SLC35F3: variants seen among roughly 807,000 people sequenced by gnomAD.
SLC35F3 encodes solute carrier family 35 member F3.
A neutral mutation model predicts 49.9 loss-of-function variants in SLC35F3; 25 were observed. That is an observed-to-expected ratio of 0.50 (90% confidence interval 0.37 to 0.70). The LOEUF (loss-of-function observed/expected upper bound fraction) is 0.70. SLC35F3 is among the 30% of genes least tolerant of loss of function. The pLI, the probability that SLC35F3 is intolerant of heterozygous loss-of-function variation, is 0.00. For synonymous variants in SLC35F3, 275 were observed against 265.4 expected (o/e 1.04, Z -0.35); for missense variants, 525 against 639.8 (o/e 0.82, Z 1.94).
In SLC35F3 at chr1:233,939,042, T is replaced by A. The variant is rs149508886; in HGVS notation, c.283+33284T>A. Among the ~76,000 whole-genome samples, 258 of 152,320 alleles carry A rather than the reference T, an allele frequency of 1.7e-3. 1 individual carries two copies. The highest frequency in any genetic ancestry group is 6.0e-3 in the African/African-American group (251 of 41,570). On this transcript the variant is annotated intron_variant, in intron 2 of 7. Coordinates refer to ENST00000366618, the MANE Select transcript of SLC35F3 (RefSeq NM_173508.4). Reference sequence around the variant, plus strand: ...TATCCATTCTTCCCAATCCTTGTTATGATGCTTCTGGTTCTTTCAGGTTGC... The same window carrying A: ...TATCCATTCTTCCCAATCCTTGTTAAGATGCTTCTGGTTCTTTCAGGTTGC...
chr1:234,052,777 T>G (rs1355878971), intron 2 of SLC35F3, among the ~76,000 whole-genome samples: 1 of 152,226 alleles, frequency 6.6e-6, no homozygotes, highest in Non-Finnish European at 1.5e-5. Flanking sequence ...GGGCATTTAG[T>G]GCTATAAATT....
chr1:234,172,465 G>A (rs546128529), intron 2 of SLC35F3, among the ~76,000 whole-genome samples: 57 of 152,278 alleles, frequency 3.7e-4, no homozygotes, highest in African/African-American at 1.2e-3. Flanking sequence ...GACCTCAGGG[G>A]ATCCACCCAC....
chr1:234,270,836 A>AG (rs1668087069), intron 3 of SLC35F3, among the ~76,000 whole-genome samples: 1 of 152,230 alleles, frequency 6.6e-6, no homozygotes, highest in African/African-American at 2.4e-5. Context: ...TCAAGGTGGG[A>AG]GGCAGGTGTT....
intron 2 of SLC35F3, among the ~76,000 whole-genome samples, chr1:234,149,947 G>C (rs900214233): frequency 6.6e-6 from 1 of 152,156 alleles, no homozygotes; most frequent in Non-Finnish European, 1.5e-5. Context: ...TGATTAATGT[G>C]CTACAGGATG....
At chr1:234,247,483 A>G (rs924479506) in intron 3 of SLC35F3, among the ~76,000 whole-genome samples, 14 of 107,780 alleles carry the variant, frequency 1.3e-4, no homozygotes, top group Non-Finnish European at 2.5e-4. Flanking sequence ...TGCTTGGTGG[A>G]TTGCTTGGCT....
chr1:234,117,353 A>T (rs1425221453), intron 2 of SLC35F3, among the ~76,000 whole-genome samples: 1 of 152,120 alleles, frequency 6.6e-6, no homozygotes, highest in Non-Finnish European at 1.5e-5. Context: ...GCATTTTGGG[A>T]GGCTGAGGTG....
intron 2 of SLC35F3, among the ~76,000 whole-genome samples, chr1:234,055,729 G>A (rs531304441): frequency 5.9e-5 from 9 of 152,284 alleles, no homozygotes; most frequent in South Asian, 2.1e-4. Context: ...CATCTTCTGC[G>A]TCGCTCACAC....
At chr1:233,958,843 A>C (rs1243669187) in intron 2 of SLC35F3, among the ~76,000 whole-genome samples, 1 of 152,348 alleles carries the variant, frequency 6.6e-6, no homozygotes, top group Non-Finnish European at 1.5e-5. Context: ...ACCTCACTTA[A>C]GTTTTACTTG....
At chr1:234,178,429 G>T (rs1340258647) in intron 2 of SLC35F3, among the ~76,000 whole-genome samples, 1 of 148,012 alleles carries the variant, frequency 6.8e-6, no homozygotes, top group African/African-American at 2.5e-5. Context: ...AGTCTTAGGA[G>T]ATAGGTCAGG....
At chr1:233,984,381 A>G (rs1172290699) in intron 2 of SLC35F3, among the ~76,000 whole-genome samples, 1 of 152,212 alleles carries the variant, frequency 6.6e-6, no homozygotes, top group Non-Finnish European at 1.5e-5. Flanking sequence ...GCAAAGCGCC[A>G]AGCAAGGAGG....
Position 234,061,826 on chromosome 1 carries a change from C to T in SLC35F3, c.283+156068C>T, listed in dbSNP as rs141400975. On this transcript the variant is annotated intron_variant, in intron 2 of 7. Transcript: ENST00000366618. ...GGCTTTTTAAAAAAATAATATTTGT[C>T]TCTTTAGTGGTACTCTATTAGGTGC... Among the ~76,000 whole-genome samples, 252 of 152,256 alleles carry T rather than the reference C, an allele frequency of 1.7e-3. 1 individual carries two copies. Among genetic ancestry groups the T allele is most frequent in the Middle Eastern group, 6.8e-3 (2 of 294 alleles).
At chr1:233,935,079 C>T (rs1041122022) in intron 2 of SLC35F3, among the ~76,000 whole-genome samples, 1 of 148,812 alleles carries the variant, frequency 6.7e-6, no homozygotes, top group Admixed American at 6.7e-5. Context: ...GATACCTTAA[C>T]ATTTCAGTCA....
chr1:234,228,321 T>G (rs1281529309), intron 2 of SLC35F3, among the ~76,000 whole-genome samples: 1 of 152,222 alleles, frequency 6.6e-6, no homozygotes, highest in African/African-American at 2.4e-5. Flanking sequence ...CTGATTCTTT[T>G]CACTATTATC....
At chr1:234,196,694 C>A (rs1208013948) in intron 2 of SLC35F3, among the ~76,000 whole-genome samples, 1 of 152,248 alleles carries the variant, frequency 6.6e-6, no homozygotes, top group African/African-American at 2.4e-5. Flanking sequence ...AAGCCCAGCA[C>A]TTCAGGAGGC....
chr1:234,169,620 A>G (rs1224619226), intron 2 of SLC35F3, among the ~76,000 whole-genome samples: 1 of 152,076 alleles, frequency 6.6e-6, no homozygotes, highest in Non-Finnish European at 1.5e-5. Flanking sequence ...CAGCTCCACT[A>G]CGGGAGGAGG....
intron 2 of SLC35F3, among the ~76,000 whole-genome samples, chr1:234,160,163 C>T (rs1373764412): frequency 2.0e-5 from 3 of 152,210 alleles, no homozygotes; most frequent in African/African-American, 7.2e-5. Context: ...ACTCAATATC[C>T]TCACTAAGCA....
chr1:233,936,605 C>T (rs1662334400), intron 2 of SLC35F3, among the ~76,000 whole-genome samples: 1 of 151,546 alleles, frequency 6.6e-6, no homozygotes, highest in Non-Finnish European at 1.5e-5. Context: ...TCCCTGTCTT[C>T]TTCCTCTCCT....
rs189829491 is a variant in SLC35F3, at chr1:233,955,922, C to G, written c.283+50164C>G. On this transcript the variant is annotated intron_variant, in intron 2 of 7. Transcript: ENST00000366618. ...TTTTTTTTTGAGTTGGTGTCTCGCT[C>G]TCTTGCCCAGGCTGGAGTGCAGTGG... Among the ~76,000 whole-genome samples the G allele has an allele frequency of 4.9e-4, 57 of 116,678 alleles. No individual in the cohort carries two copies. In the East Asian group the frequency reaches 0.013, roughly 26 times the overall value. 76.5% of individuals were successfully genotyped at this position (116,678 alleles called of 152,430 possible).
At chr1:234,232,519 C>CAAAAAA (rs536692686) in intron 3 of SLC35F3, among the ~76,000 whole-genome samples, 1,226 of 71,562 alleles carry the variant, frequency 0.017, 59 homozygotes, top group African/African-American at 0.024. Flanking sequence ...CAGGCCTAGT[C>CAAAAAA]AAAAAAAAAA....
Sources: allele counts gnomAD v4.1 joint callset (sites outside exome capture counted in the v4.1 genomes callset), GRCh38; gene constraint gnomAD v4.1.1; transcripts MANE v1.5; gene names NCBI Gene and HGNC (gene_info 2026-07-23, HGNC 2026-07-21).